Variants in DYNC1I1 observed in about 807,000 individuals in gnomAD.
DYNC1I1 encodes the protein cytoplasmic dynein 1 intermediate chain 1.
DYNC1I1 carries 43 observed loss-of-function variants against 86.6 expected under a neutral mutation model. That is an observed-to-expected ratio of 0.50 (90% CI 0.39 to 0.64). The LOEUF (loss-of-function observed/expected upper bound fraction) is 0.64, where lower values mean the gene tolerates loss of function less well. Among genes scored for constraint, DYNC1I1 ranks in the 30% least tolerant of loss-of-function variants. The pLI is 0.00. For missense variants in DYNC1I1, 604 were observed against 788.8 expected, an observed-to-expected ratio of 0.77 and a Z score of 2.81; for synonymous variants, 262 against 283.7, an observed-to-expected ratio of 0.92 and a Z score of 0.77.
chr7:95,983,396 A>ATATTAC (rs1243396610), intron 7 of DYNC1I1, among the ~76,000 whole-genome samples: 2 of 152,264 alleles, frequency 1.3e-5, no homozygotes, highest in Middle Eastern at 3.4e-3. Flanking sequence ...TGTTGCCCTA[A>ATATTAC]TATTACCTGG....
At chr7:95,807,232 A>T (rs1298982304) in intron 2 of DYNC1I1, among the ~76,000 whole-genome samples, 1 of 152,090 alleles carries the variant, frequency 6.6e-6, no homozygotes, top group Non-Finnish European at 1.5e-5. Flanking sequence ...CCCCAGTTTC[A>T]TGGGGTTGGA....
intron 6 of DYNC1I1, among the ~76,000 whole-genome samples, chr7:95,885,741 C>G (rs1449477409): frequency 6.6e-6 from 1 of 152,180 alleles, no homozygotes; most frequent in African/African-American, 2.4e-5. Flanking sequence ...CCTGCCTTAG[C>G]CTCCCAACGT....
chr7:95,967,356 G>T (rs1040662527), intron 6 of DYNC1I1, among the ~76,000 whole-genome samples: 15 of 152,296 alleles, frequency 9.8e-5, no homozygotes, highest in Admixed American at 5.9e-4. Flanking sequence ...GAACTGGGGG[G>T]TTCTTAGAAT....
At position 95,850,965 on chromosome 7, in the gene DYNC1I1, A is replaced by G. The variant is rs553520553; in HGVS notation, c.375-18918A>G. ...ACCACAACTTTTTTTTTTCCTTGAG[A>G]CAGGGTCTCACTCTGTCACCCAGGC... On this transcript the variant is annotated intron_variant, in intron 5 of 16. Transcript: ENST00000447467. Among the ~76,000 whole-genome samples, 5 of 152,184 alleles carry G rather than the reference A, an allele frequency of 3.3e-5. No homozygotes were observed. The South Asian group carries it at 1.0e-3, about 32-fold the overall frequency.
intron 5 of DYNC1I1, among the ~76,000 whole-genome samples, chr7:95,862,270 A>G (rs901133990): frequency 7.9e-5 from 12 of 152,226 alleles, no homozygotes; most frequent in South Asian, 4.1e-4. Flanking sequence ...GGCAGCCCAC[A>G]GAATGGATGA....
intron 6 of DYNC1I1, among the ~76,000 whole-genome samples, chr7:95,904,467 G>A (rs535529047): frequency 6.6e-6 from 1 of 152,260 alleles, no homozygotes; most frequent in South Asian, 2.1e-4. Flanking sequence ...TAACAAAATG[G>A]GAGGAGACTG....
intron 16 of DYNC1I1, among the ~76,000 whole-genome samples, chr7:96,084,254 C>G (rs781726398): frequency 3.3e-5 from 5 of 150,672 alleles, no homozygotes; most frequent in African/African-American, 1.2e-4. Context: ...TTTCACTGAA[C>G]CCTGCAAATT....
intron 15 of DYNC1I1, among the ~76,000 whole-genome samples, chr7:96,078,729 CA>C (rs1372760099): frequency 6.6e-6 from 1 of 152,052 alleles, no homozygotes; most frequent in African/African-American, 2.4e-5. Context: ...TATTCAATAT[CA>C]GATTGTTCAT....
At chr7:95,934,902 G>T (rs1223265656) in intron 6 of DYNC1I1, among the ~76,000 whole-genome samples, 1 of 151,512 alleles carries the variant, frequency 6.6e-6, no homozygotes, top group South Asian at 2.1e-4. Flanking sequence ...AAAAAACACC[G>T]AGGCTTTTTT....
intron 12 of DYNC1I1, among the ~76,000 whole-genome samples, chr7:96,033,737 C>T (rs1048006084): frequency 3.9e-5 from 6 of 152,086 alleles, no homozygotes; most frequent in Admixed American, 6.6e-5. Flanking sequence ...AGACAGGGCA[C>T]GGTGGCTCAC....
chr7:95,781,782 A>G (rs1697397072), intron 1 of DYNC1I1, among the ~76,000 whole-genome samples: 3 of 152,224 alleles, frequency 2.0e-5, no homozygotes, highest in Admixed American at 2.0e-4. Context: ...AATGACATTT[A>G]GTACTTTCTT....
chr7:96,061,074 A>G (rs575827984), intron 14 of DYNC1I1, among the ~76,000 whole-genome samples: 1 of 152,318 alleles, frequency 6.6e-6, no homozygotes, highest in Admixed American at 6.5e-5. Flanking sequence ...GAGAGAGAAT[A>G]GTACATTCTC....
intron 7 of DYNC1I1, among the ~76,000 whole-genome samples, chr7:95,979,499 G>A (rs1433166131): frequency 6.6e-6 from 1 of 152,192 alleles, no homozygotes; most frequent in East Asian, 1.9e-4. Context: ...TGATGGGATG[G>A]ATGCCCTTGG....
chr7:96,028,445 G>A, intron 11 of DYNC1I1, 124 bp downstream of exon 11: 1 of 1,303,952 alleles, frequency 7.7e-7, no homozygotes, highest in Non-Finnish European at 1.0e-6. Context: ...TATTATGATT[G>A]AATCCTGACC....
At chr7:95,779,827 T>C (rs1318426689) in intron 1 of DYNC1I1, among the ~76,000 whole-genome samples, 1 of 152,220 alleles carries the variant, frequency 6.6e-6, no homozygotes, top group African/African-American at 2.4e-5. Flanking sequence ...TCCTGAAATG[T>C]AGCGCCCATT....
At chr7:95,932,732 G>A (rs771809301) in intron 6 of DYNC1I1, among the ~76,000 whole-genome samples, 6 of 152,078 alleles carry the variant, frequency 3.9e-5, no homozygotes, top group Admixed American at 1.3e-4. Context: ...AGTAGGTTTC[G>A]ATCATGGCTT....
rs1791049933 is a variant in DYNC1I1 at position 96,097,470 on chromosome 7, A to G, written c.1777-13A>G. 1.9e-6 allele frequency: 3 copies of G among 1,613,192 alleles called. No homozygotes were observed. The highest frequency in any genetic ancestry group is 1.7e-5 in the Admixed American group (1 of 59,928). On this transcript the variant is annotated splice_polypyrimidine_tract_variant and intron_variant, in intron 16 of 16. Coordinates refer to ENST00000447467, the MANE Select transcript of DYNC1I1 (RefSeq NM_001135556.2). ...TATCTTGTTCATCATTTCTCCATTG[A>G]TTTGCTTTGCAGCTTGCAGTTCCCC...
At chr7:96,072,239 C>A (rs1000691118) in intron 14 of DYNC1I1, among the ~76,000 whole-genome samples, 1 of 152,168 alleles carries the variant, frequency 6.6e-6, no homozygotes, top group African/African-American at 2.4e-5. Context: ...TAAAATCAAG[C>A]TGGGCTGTGC....
At chr7:96,006,668 TA>T (rs575087250) in intron 10 of DYNC1I1, among the ~76,000 whole-genome samples, 24 of 152,192 alleles carry the variant, frequency 1.6e-4, no homozygotes, top group Non-Finnish European at 2.8e-4. Context: ...TATGATTTAC[TA>T]AAGAAGATCA....
Sources: gnomAD v4.1 joint callset for allele counts (sites outside exome capture counted in the v4.1 genomes callset) on GRCh38, gnomAD v4.1.1 for gene constraint, MANE v1.5 for transcripts, NCBI Gene and HGNC (gene_info 2026-07-23, HGNC 2026-07-21) for gene names.